The following PMS1 variants were observed in gnomAD, a reference collection of about 807,000 sequenced individuals.
PMS1 encodes the protein PMS1 protein homolog 1.
In PMS1, 79 loss-of-function variants were observed where a neutral mutation model predicts 93.1. That is an observed-to-expected ratio of 0.85 (90% confidence interval 0.71 to 1.02). PMS1 has a LOEUF of 1.02. Ranked by LOEUF, PMS1 falls within the 50% of genes least tolerant of loss-of-function variation. The pLI is 0.00. For synonymous variants in PMS1, 335 were observed against 363.4 expected, an observed-to-expected ratio of 0.92 and a Z score of 0.89; for missense variants, 1,064 against 1,085.3, an observed-to-expected ratio of 0.98 and a Z score of 0.28.
intron 10 of PMS1, among the ~76,000 whole-genome samples, chr2:189,864,679 AAAAAAAAAATATATATATATATATAT>A (rs1559324368): frequency 2.1e-5 from 1 of 48,134 alleles, no homozygotes; most frequent in Non-Finnish European, 3.8e-5. Context: ...AAAAAAAAAA[AAAAAAAAAATATATATATATATATAT>A]ATATATATAT....
At chr2:189,820,474 T>G (rs1333498627) in intron 5 of PMS1, among the ~76,000 whole-genome samples, 2 of 152,074 alleles carry the variant, frequency 1.3e-5, no homozygotes, top group African/African-American at 4.8e-5. Context: ...ATTTTTAATT[T>G]TTTTTGTAGG....
chr2:189,866,875 A>G (rs931867545), intron 10 of PMS1, among the ~76,000 whole-genome samples: 2 of 152,196 alleles, frequency 1.3e-5, no homozygotes, highest in African/African-American at 4.8e-5. Flanking sequence ...GCTATACAGT[A>G]TCATAATCAT....
At chr2:189,855,445 T>G (rs2055212986) in intron 9 of PMS1, among the ~76,000 whole-genome samples, 1 of 151,978 alleles carries the variant, frequency 6.6e-6, no homozygotes, top group South Asian at 2.1e-4. Context: ...TCTATTTTTT[T>G]TTTGTTTTAT....
chr2:189,834,820 C>T lies in PMS1; in HGVS notation c.583-9144C>T, dbSNP rs377519088. The stretch of plus-strand genomic sequence containing the variant: ...TCATAGCTCACTTCAGCCTCAAACT[C>T]GTGGGCTCAAGTGATCCTCCTACCT... On this transcript the variant is annotated intron_variant, in intron 5 of 12. Coordinates refer to ENST00000441310, the MANE Select transcript of PMS1 (RefSeq NM_000534.5). Among the ~76,000 whole-genome samples the T allele has an allele frequency of 1.3e-4, 20 of 152,260 alleles. No individual in the cohort carries two copies. The East Asian group carries it at 1.5e-3, about 12-fold the overall frequency.
In PMS1 at chr2:189,869,532, A is replaced by G. The variant is rs916925692; in HGVS notation, c.2473+1603A>G. ...TGGTTTTTTTCATGAAAGATATTAA[A>G]CAGGCCAGGCACGGTGGCTCATGCC... On this transcript the variant is annotated intron_variant, in intron 11 of 12. Transcript: ENST00000441310. Among the ~76,000 whole-genome samples the G allele has an allele frequency of 2.2e-4, 34 of 152,096 alleles. 2 individuals carry two copies. The highest frequency in any genetic ancestry group is 1.2e-3 in the Admixed American group (19 of 15,266).
intron 6 of PMS1, among the ~76,000 whole-genome samples, chr2:189,850,701 G>A (rs867947283): frequency 3.3e-5 from 5 of 151,986 alleles, no homozygotes; most frequent in Admixed American, 6.6e-5. Flanking sequence ...ATGAAGAGGA[G>A]GCATTAGAGA....
intron 3 of PMS1, among the ~76,000 whole-genome samples, chr2:189,801,868 A>G (rs1457241238): frequency 6.6e-6 from 1 of 152,216 alleles, no homozygotes; most frequent in Non-Finnish European, 1.5e-5. Context: ...ATGCATCTGG[A>G]TAAGATCATT....
At chr2:189,842,525 A>G (rs1348369433) in intron 5 of PMS1, among the ~76,000 whole-genome samples, 1 of 152,198 alleles carries the variant, frequency 6.6e-6, no homozygotes, top group Non-Finnish European at 1.5e-5. Flanking sequence ...ACCTTGGTCT[A>G]GTCTCTCTGG....
At chr2:189,785,602 A>T (rs904451329) in intron 1 of PMS1, 1 of 152,322 alleles carries the variant, frequency 6.6e-6, no homozygotes, top group African/African-American at 2.4e-5. Context: ...GGAGCAACAG[A>T]CAGAAACACA....
Position 189,832,201 on chromosome 2 carries a change from A to G in PMS1, c.583-11763A>G, listed in dbSNP as rs529244223. Among the ~76,000 whole-genome samples the G allele has an allele frequency of 3.3e-5, 5 of 152,270 alleles. No individual in the cohort carries two copies. The South Asian group carries it at 6.2e-4, about 19-fold the overall frequency. ...TTTGGTCTTAATTTGAAGGAGAATA[A>G]CTTAAGAATCATGTAGAGGATGGAG... On this transcript the variant is annotated intron_variant, in intron 5 of 12. Coordinates refer to ENST00000441310, the MANE Select transcript of PMS1 (RefSeq NM_000534.5).
At chr2:189,865,119 C>T (rs2056529954) in intron 10 of PMS1, among the ~76,000 whole-genome samples, 1 of 152,022 alleles carries the variant, frequency 6.6e-6, no homozygotes, top group African/African-American at 2.4e-5. Context: ...AAACACAATA[C>T]CTTTTTCATA....
chr2:189,833,519 T>C lies in PMS1; in HGVS notation c.583-10445T>C, dbSNP rs13406080. On this transcript the variant is annotated intron_variant, in intron 5 of 12. Coordinates refer to ENST00000441310, the MANE Select transcript of PMS1 (RefSeq NM_000534.5). ...ATTACTTAAACCTGGGAGGCAGAGA[T>C]TGCAGTGAGCTGAGATCACGCCATT... is the stretch of plus-strand genomic sequence containing the variant. Among the ~76,000 whole-genome samples the C allele has an allele frequency of 3.2e-3, 484 of 152,280 alleles. 1 individual carries two copies. Among genetic ancestry groups the C allele is most frequent in the African/African-American group, 0.011 (470 of 41,550 alleles).
chr2:189,831,109 TAGAGAA>T (rs2052894305), intron 5 of PMS1, among the ~76,000 whole-genome samples: 1 of 152,094 alleles, frequency 6.6e-6, no homozygotes, highest in Non-Finnish European at 1.5e-5. Flanking sequence ...TAAGTAGAGA[TAGAGAA>T]ATAGTTTAAA....
intron 5 of PMS1, among the ~76,000 whole-genome samples, chr2:189,826,717 T>C (rs1298388657): frequency 6.6e-6 from 1 of 152,190 alleles, no homozygotes; most frequent in African/African-American, 2.4e-5. Flanking sequence ...GTCATTTTGC[T>C]TCAGTGGCAG....
In PMS1 at chr2:189,864,167, C is replaced by T. The variant is rs754305507; in HGVS notation, c.2281C>T (p.Leu761Phe). Reference sequence around the variant, plus strand: ...AGAAGAAGCCCTGCTATTTAAAAGACTTCTTGAGAATCATAAACTTCCTGC... The same window carrying T: ...AGAAGAAGCCCTGCTATTTAAAAGATTTCTTGAGAATCATAAACTTCCTGC... ...RVEEALLFKR[L>F]LENHKLPAEP... is the part of the protein sequence containing the mutation. The change falls in exon 10 of 13, where the codon CTT becomes TTT. Residue 761 changes from leucine (L) to phenylalanine (F), a missense_variant. By Grantham distance (22) the Leu-to-Phe change is conservative. Transcript: ENST00000441310. 1.2e-6 allele frequency: 2 copies of T among 1,610,440 alleles called. No individual in the cohort carries two copies. Among genetic ancestry groups the T allele is most frequent in the South Asian group, 1.1e-5 (1 of 90,986 alleles).
intron 5 of PMS1, among the ~76,000 whole-genome samples, chr2:189,823,289 G>A (rs1033614368): frequency 6.6e-6 from 1 of 151,090 alleles, no homozygotes; most frequent in African/African-American, 2.4e-5. Flanking sequence ...TTTTATTATT[G>A]TACTTTAACT....
At chr2:189,865,231 A>G (rs1383497021) in intron 10 of PMS1, among the ~76,000 whole-genome samples, 7 of 152,232 alleles carry the variant, frequency 4.6e-5, no homozygotes, top group African/African-American at 1.4e-4. Flanking sequence ...TCTAAACAAG[A>G]TCCACATACT....
chr2:189,788,281 A>G (rs1004282815), intron 1 of PMS1, among the ~76,000 whole-genome samples: 2 of 152,132 alleles, frequency 1.3e-5, no homozygotes, highest in Non-Finnish European at 2.9e-5. Context: ...TAGGGGTTAG[A>G]GGTGGGGGGA....
intron 1 of PMS1, among the ~76,000 whole-genome samples, chr2:189,789,605 A>G (rs1296906994): frequency 6.6e-6 from 1 of 152,092 alleles, no homozygotes; most frequent in African/African-American, 2.4e-5. Context: ...CCTGTACTCC[A>G]TTTCCTACTC....
Sources: gnomAD v4.1 joint callset for allele counts (sites outside exome capture counted in the v4.1 genomes callset) on GRCh38, gnomAD v4.1.1 for gene constraint, MANE v1.5 for transcripts, NCBI Gene and HGNC (gene_info 2026-07-23, HGNC 2026-07-21) for gene names.